CXXC5: variants seen among roughly 807,000 people sequenced by gnomAD.
The protein encoded by CXXC5 is CXXC-type zinc finger protein 5.
A neutral mutation model predicts 17.6 loss-of-function variants in CXXC5; 2 were observed. That is an observed-to-expected ratio of 0.11 (90% CI 0.05 to 0.36). The LOEUF is 0.36. Among genes scored for constraint, CXXC5 ranks in the 10% least tolerant of loss-of-function variants. The pLI, the probability that CXXC5 is intolerant of heterozygous loss-of-function variation, is 1.00. For synonymous variants in CXXC5, 171 were observed against 193.0 expected (o/e 0.89, Z 0.94); for missense variants, 343 against 458.3 (o/e 0.75, Z 2.30).
At chr5:139,652,163 C>CGTGTGTGTGTGTGTGTGTGT (rs1326798150) in intron 1 of CXXC5, among the ~76,000 whole-genome samples, 3 of 139,814 alleles carry the variant, frequency 2.1e-5, no homozygotes, top group African/African-American at 8.1e-5. Flanking sequence ...CGCGCGCGCG[C>CGTGTGTGTGTGTGTGTGTGT]GCGCGCGCGT....
At chr5:139,674,705 G>A (rs957531065) in intron 1 of CXXC5, among the ~76,000 whole-genome samples, 2 of 152,184 alleles carry the variant, frequency 1.3e-5, no homozygotes, top group South Asian at 2.1e-4. Context: ...ACTATACCTC[G>A]ATAAAACTGT....
At position 139,658,592 on chromosome 5, in the gene CXXC5, GGGTCCTCTTGGC is replaced by G. The variant is rs1185368398; in HGVS notation, c.-161+9751_-161+9762del. ...TGCGGCTGGCCCACAGGCACAGGAG[GGGTCCTCTTGGC>G]GGTGCCCGCCCGCCCGCTGCCCACG... On this transcript the variant is annotated intron_variant, in intron 1 of 2. Transcript: ENST00000302517. This position sits in a 1 kb window ranked among gnomAD's most constrained non-coding sequence, Gnocchi z 4.1. Among the ~76,000 whole-genome samples, 2 of 152,152 alleles carry G rather than the reference GGGTCCTCTTGGC, an allele frequency of 1.3e-5. No individual in the cohort carries two copies. Among genetic ancestry groups the G allele is most frequent in the Non-Finnish European group, 2.9e-5 (2 of 68,012 alleles).
intron 1 of CXXC5, among the ~76,000 whole-genome samples, chr5:139,655,773 G>C (rs558764295): frequency 4.3e-4 from 56 of 131,210 alleles, no homozygotes; most frequent in African/African-American, 1.6e-3. Flanking sequence ...CAGCTGTGCC[G>C]GCCGGCCGTG....
At chr5:139,656,131 C>T (rs535333843) in intron 1 of CXXC5, among the ~76,000 whole-genome samples, 7 of 152,400 alleles carry the variant, frequency 4.6e-5, no homozygotes, top group South Asian at 2.1e-4. Context: ...CATGCCAGTA[C>T]GGGCGTAATG....
chr5:139,652,374 C>G (rs183087914), intron 1 of CXXC5, among the ~76,000 whole-genome samples: 7 of 152,122 alleles, frequency 4.6e-5, no homozygotes, highest in South Asian at 2.1e-4. Context: ...TCACCTCCCC[C>G]CAACGCTGAG....
intron 1 of CXXC5, among the ~76,000 whole-genome samples, chr5:139,660,582 C>T (rs1158826860): frequency 6.6e-6 from 1 of 152,144 alleles, no homozygotes; most frequent in Non-Finnish European, 1.5e-5. Flanking sequence ...AGGGTAGGGC[C>T]CAGAGCTGAG....
In CXXC5 at chr5:139,658,629, G is replaced by A. The variant is rs935331231; in HGVS notation, c.-161+9784G>A. On this transcript the variant is annotated intron_variant, in intron 1 of 2. Coordinates refer to ENST00000302517, the MANE Select transcript of CXXC5 (RefSeq NM_016463.9). This position sits in a 1 kb window ranked among gnomAD's most constrained non-coding sequence, Gnocchi z 4.1. ...CGGTGCCCGCCCGCCCGCTGCCCACGCTTCCCGAGGCACCAGCGTGAGGAG... is the reference window on the plus strand; with the variant it reads ...CGGTGCCCGCCCGCCCGCTGCCCACACTTCCCGAGGCACCAGCGTGAGGAG... Among the ~76,000 whole-genome samples, 3 of 152,148 alleles carry A rather than the reference G, an allele frequency of 2.0e-5. No homozygotes were observed. Among genetic ancestry groups the A allele is most frequent in the Admixed American group, 1.3e-4 (2 of 15,286 alleles).
intron 1 of CXXC5, among the ~76,000 whole-genome samples, chr5:139,673,259 G>T (rs1039951960): frequency 1.3e-5 from 2 of 152,190 alleles, no homozygotes; most frequent in African/African-American, 2.4e-5. Flanking sequence ...CCCCATACTT[G>T]TTAGCTATGG....
At chr5:139,682,324 A>AG (rs1757282493) in intron 2 of CXXC5, among the ~76,000 whole-genome samples, 1 of 125,518 alleles carries the variant, frequency 8.0e-6, no homozygotes, top group African/African-American at 3.5e-5. Flanking sequence ...CCCTCCCCCA[A>AG]CCCCAGCCCC....
rs749050703 is a variant in CXXC5 at position 139,682,909 on chromosome 5, G to A, written c.*2G>A. On this transcript the variant is annotated 3_prime_UTR_variant, in exon 3 of 3. Transcript: ENST00000302517. Reference sequence around the variant, plus strand: ...GCCGCCTTCCGGTGGTTTCAGTGACGGCGGCGGAACCCAAAGCTGCCCTCT... The same window carrying A: ...GCCGCCTTCCGGTGGTTTCAGTGACAGCGGCGGAACCCAAAGCTGCCCTCT... The A allele has an allele frequency of 2.5e-5, 39 of 1,591,422 alleles. No homozygotes were observed. Among genetic ancestry groups the A allele is most frequent in the Middle Eastern group, 3.3e-4 (2 of 6,044 alleles).
chr5:139,674,854 A>T (rs186359705), intron 1 of CXXC5, among the ~76,000 whole-genome samples: 4 of 152,236 alleles, frequency 2.6e-5, no homozygotes, highest in South Asian at 4.1e-4. Context: ...ATAATAATAA[A>T]AATTCTGCCC....
At chr5:139,664,086 C>T (rs1477333010) in intron 1 of CXXC5, among the ~76,000 whole-genome samples, 2 of 152,160 alleles carry the variant, frequency 1.3e-5, no homozygotes, top group Non-Finnish European at 2.9e-5. Flanking sequence ...CCATGCCCAG[C>T]TCCTTAACTC....
chr5:139,673,390 G>T (rs1213875234), intron 1 of CXXC5, among the ~76,000 whole-genome samples: 1 of 152,168 alleles, frequency 6.6e-6, no homozygotes, highest in Non-Finnish European at 1.5e-5. Context: ...TGAGGGAGGT[G>T]CCTATTGAGG....
rs1425902220 is a variant in CXXC5, at chr5:139,661,023, G to A, written c.-161+12178G>A. On this transcript the variant is annotated intron_variant, in intron 1 of 2. Coordinates refer to ENST00000302517, the MANE Select transcript of CXXC5 (RefSeq NM_016463.9). The surrounding 1 kb of genome is among the most constrained non-coding windows in gnomAD (Gnocchi z 4.7). The stretch of plus-strand genomic sequence containing the variant: ...GAACCCCGGAGCTGCAGCCTGGGCC[G>A]AGGGGGCCAGGGCAGCCGGAGTCTG... Among the ~76,000 whole-genome samples, 1 of 152,182 alleles carries A rather than the reference G, an allele frequency of 6.6e-6. No homozygotes were observed. Among genetic ancestry groups the A allele is most frequent in the Non-Finnish European group, 1.5e-5 (1 of 68,016 alleles).
chr5:139,669,570 T>G (rs1181754925), intron 1 of CXXC5, among the ~76,000 whole-genome samples: 1 of 152,078 alleles, frequency 6.6e-6, no homozygotes, highest in Non-Finnish European at 1.5e-5. Context: ...TAAATGAGTT[T>G]GGGGAGTGAT....
At chr5:139,681,564 T>A (rs111826221) in intron 2 of CXXC5, 117 bp downstream of exon 2, 6 of 566,908 alleles carry the variant, frequency 1.1e-5, no homozygotes, top group Non-Finnish European at 1.4e-5. Flanking sequence ...GGATGCCCCC[T>A]CCCAGTCCTT....
Position 139,648,680 on chromosome 5 carries a change from A to G in CXXC5, c.-326A>G. On this transcript the variant is annotated 5_prime_UTR_variant, in exon 1 of 3. Coordinates refer to ENST00000302517, the MANE Select transcript of CXXC5 (RefSeq NM_016463.9). ...CTCCCCCCCCTCCCCGCCTCGGGCC[A>G]GCCGCGGCGGCGCGACTCGGGCTCC... is the stretch of plus-strand genomic sequence containing the variant. 6.7e-6 allele frequency: 1 copy of G among 149,530 alleles called. No homozygotes were observed. Among genetic ancestry groups the G allele is most frequent in the Non-Finnish European group, 1.5e-5 (1 of 67,074 alleles). The allele number at this position is 149,530 out of a possible 1,614,324, so 9.3% of individuals were successfully genotyped here.
At chr5:139,672,037 A>G (rs1043845041) in intron 1 of CXXC5, among the ~76,000 whole-genome samples, 26 of 152,214 alleles carry the variant, frequency 1.7e-4, no homozygotes, top group African/African-American at 6.3e-4. Context: ...TGCATGTGAA[A>G]TGCTTAGCAC....
chr5:139,661,977 C>T lies in CXXC5; in HGVS notation c.-161+13132C>T, dbSNP rs1460001925. Among the ~76,000 whole-genome samples, 1 of 152,208 alleles carries T rather than the reference C, an allele frequency of 6.6e-6. No homozygotes were observed. Among genetic ancestry groups the T allele is most frequent in the African/African-American group, 2.4e-5 (1 of 41,438 alleles). ...TACATGGGGGAGAGATACAGGGGAG[C>T]TGGGAAAAGGAAAGGCTGGAGAAGG... On this transcript the variant is annotated intron_variant, in intron 1 of 2. Coordinates refer to ENST00000302517, the MANE Select transcript of CXXC5 (RefSeq NM_016463.9). This position sits in a 1 kb window ranked among gnomAD's most constrained non-coding sequence, Gnocchi z 4.7.
Sources: gnomAD v4.1 joint callset for allele counts (sites outside exome capture counted in the v4.1 genomes callset) on GRCh38, gnomAD v4.1.1 for gene constraint, Gnocchi (gnomAD v3.1) non-coding constraint, MANE v1.5 for transcripts, NCBI Gene and HGNC (gene_info 2026-07-23, HGNC 2026-07-21) for gene names.